Variants in ELOVL5 observed in about 807,000 individuals in gnomAD.
ELOVL5 encodes ELOVL fatty acid elongase 5, also known as very long chain fatty acid elongase 5.
A neutral mutation model predicts 38.6 loss-of-function variants in ELOVL5; 8 were observed. The observed-to-expected ratio is 0.21, with a 90% confidence interval of 0.12 to 0.37. ELOVL5 has a LOEUF of 0.37. Ranked by LOEUF, ELOVL5 falls within the 10% of genes least tolerant of loss-of-function variation. ELOVL5 has a pLI of 1.00. For synonymous variants in ELOVL5, 127 were observed against 133.7 expected, an observed-to-expected ratio of 0.95 and a Z score of 0.34; for missense variants, 280 against 367.8, an observed-to-expected ratio of 0.76 and a Z score of 1.95.
intron 2 of ELOVL5, among the ~76,000 whole-genome samples, chr6:53,295,113 C>G (rs998050031): frequency 2.6e-5 from 4 of 152,232 alleles, no homozygotes; most frequent in Middle Eastern, 3.4e-3. Flanking sequence ...TTCTGTGAGC[C>G]TAAGAAGTTC....
chr6:53,322,317 G>GT (rs963059548), intron 1 of ELOVL5, among the ~76,000 whole-genome samples: 101 of 152,204 alleles, frequency 6.6e-4, no homozygotes, highest in Admixed American at 2.3e-3. Context: ...TCTTCCAGTT[G>GT]TTTTTTTAAT....
chr6:53,294,550 C>A, intron 2 of ELOVL5: 2 of 1,477,786 alleles, frequency 1.4e-6, no homozygotes, highest in South Asian at 1.4e-5. Flanking sequence ...ATCATACAGT[C>A]CCTGAAATAA....
chr6:53,274,051 G>T (rs773211332), intron 5 of ELOVL5, among the ~76,000 whole-genome samples: 2 of 152,170 alleles, frequency 1.3e-5, no homozygotes, highest in Non-Finnish European at 2.9e-5. Context: ...GCTATGATAG[G>T]AACTGGCTTT....
intron 1 of ELOVL5, among the ~76,000 whole-genome samples, chr6:53,313,480 C>A (rs1767921049): frequency 6.6e-6 from 1 of 152,260 alleles, no homozygotes; most frequent in South Asian, 2.1e-4. Flanking sequence ...CCCACCTCAG[C>A]CTCCTGAGTA....
chr6:53,315,538 C>G (rs572714719), intron 1 of ELOVL5, among the ~76,000 whole-genome samples: 1 of 152,280 alleles, frequency 6.6e-6, no homozygotes, highest in African/African-American at 2.4e-5. Flanking sequence ...TATCAAAACA[C>G]ATAATCTCCA....
At chr6:53,320,353 T>C (rs529708802) in intron 1 of ELOVL5, among the ~76,000 whole-genome samples, 51 of 151,374 alleles carry the variant, frequency 3.4e-4, no homozygotes, top group Non-Finnish European at 5.9e-4. Flanking sequence ...TTTTCTTTTT[T>C]TGAGACATAG....
chr6:53,320,243 G>C (rs932041311), intron 1 of ELOVL5, among the ~76,000 whole-genome samples: 4 of 152,092 alleles, frequency 2.6e-5, no homozygotes, highest in Admixed American at 1.3e-4. Context: ...CCTGAACCCA[G>C]GAGGCAGAGG....
intron 2 of ELOVL5, among the ~76,000 whole-genome samples, chr6:53,293,304 AT>A (rs1157571971): frequency 2.6e-5 from 4 of 151,942 alleles, no homozygotes; most frequent in African/African-American, 9.7e-5. Flanking sequence ...CATTTCTTTA[AT>A]TTTTTTATTA....
intron 4 of ELOVL5, among the ~76,000 whole-genome samples, 196 bp downstream of exon 4, chr6:53,275,983 G>GA: frequency 6.6e-6 from 1 of 152,294 alleles, no homozygotes; most frequent in South Asian, 2.1e-4. Flanking sequence ...TACAGAGGGG[G>GA]ATGCTTTAGG....
intron 1 of ELOVL5, among the ~76,000 whole-genome samples, chr6:53,327,482 G>A (rs1204736356): frequency 6.8e-6 from 1 of 146,932 alleles, no homozygotes; most frequent in Non-Finnish European, 1.5e-5. Context: ...TTCAGAATAG[G>A]CAAATCTACA....
chr6:53,284,270 C>G (rs753216467), intron 3 of ELOVL5, among the ~76,000 whole-genome samples: 1 of 150,624 alleles, frequency 6.6e-6, no homozygotes, highest in South Asian at 2.1e-4. Flanking sequence ...CATGTCACTG[C>G]ACTTCAGCCT....
chr6:53,312,431 G>C (rs1422747381), intron 1 of ELOVL5, among the ~76,000 whole-genome samples: 1 of 152,182 alleles, frequency 6.6e-6, no homozygotes. Context: ...TAAGTGAAAA[G>C]GGCCATCCAT....
intron 1 of ELOVL5, among the ~76,000 whole-genome samples, chr6:53,333,184 T>C (rs1768881298): frequency 6.6e-6 from 1 of 152,220 alleles, no homozygotes; most frequent in Non-Finnish European, 1.5e-5. Context: ...AACACTTACC[T>C]GCTATAAAGG....
rs567338772 is a variant in ELOVL5, at chr6:53,283,772, T to C, written c.247-7516A>G. On this transcript the variant is annotated intron_variant, in intron 3 of 7. Transcript: ENST00000304434. ...AAAGTGGGACCACAGCAGACTTCTCTGGAATAAATCTTCAAAGTGCTGAGG... is the reference window on the plus strand; with the variant it reads ...AAAGTGGGACCACAGCAGACTTCTCCGGAATAAATCTTCAAAGTGCTGAGG... Among the ~76,000 whole-genome samples the C allele has an allele frequency of 3.9e-5, 6 of 152,340 alleles. No homozygotes were observed. In the South Asian group the frequency reaches 1.2e-3, roughly 32 times the overall value.
intron 2 of ELOVL5, among the ~76,000 whole-genome samples, chr6:53,294,893 T>C (rs781670987): frequency 2.0e-5 from 3 of 152,234 alleles, no homozygotes; most frequent in Non-Finnish European, 4.4e-5. Context: ...ATGTGCATTT[T>C]AATTCCAACA....
At chr6:53,348,102 T>C (rs1403721190) in intron 1 of ELOVL5, among the ~76,000 whole-genome samples, 1 of 143,726 alleles carries the variant, frequency 7.0e-6, no homozygotes, top group Admixed American at 6.9e-5. Context: ...GCCGCCCCGG[T>C]CGCCCCCGAG....
chr6:53,305,233 G>A lies in ELOVL5; in HGVS notation c.-8-9526C>T, dbSNP rs540426070. Reference sequence around the variant, plus strand: ...CCCCCACCTCCCTCCCGGACGGGGCGGCTGGCTGGGCAGAGGGGCTCCTCA... The same window carrying A: ...CCCCCACCTCCCTCCCGGACGGGGCAGCTGGCTGGGCAGAGGGGCTCCTCA... On this transcript the variant is annotated intron_variant, in intron 1 of 7. Coordinates refer to ENST00000304434, the MANE Select transcript of ELOVL5 (RefSeq NM_021814.5). 6.1e-3 allele frequency among the ~76,000 whole-genome samples: 898 copies of A among 146,278 alleles called. 13 individuals carry two copies. The highest frequency in any genetic ancestry group is 0.019 in the African/African-American group (731 of 39,064).
intron 1 of ELOVL5, among the ~76,000 whole-genome samples, chr6:53,317,040 G>T (rs1301766734): frequency 6.6e-6 from 1 of 152,276 alleles, no homozygotes; most frequent in East Asian, 1.9e-4. Context: ...AGTATTAAAT[G>T]TAAGAAGTTC....
chr6:53,331,336 A>G (rs1768793596), intron 1 of ELOVL5, among the ~76,000 whole-genome samples: 2 of 152,238 alleles, frequency 1.3e-5, no homozygotes, highest in African/African-American at 4.8e-5. Flanking sequence ...CAAAATAAAT[A>G]AATAAAAATT....
Sources: allele counts gnomAD v4.1 joint callset (sites outside exome capture counted in the v4.1 genomes callset), GRCh38; gene constraint gnomAD v4.1.1; transcripts MANE v1.5; gene names NCBI Gene and HGNC (gene_info 2026-07-23, HGNC 2026-07-21).